Variants in IRX2 observed in about 807,000 individuals in gnomAD.
IRX2 encodes the protein iroquois-class homeodomain protein IRX-2.
A neutral mutation model predicts 42.9 loss-of-function variants in IRX2; 26 were observed. The observed-to-expected ratio is 0.61, with a 90% CI of 0.44 to 0.84. IRX2 has a LOEUF of 0.84. Ranked by LOEUF, IRX2 falls within the 40% of genes least tolerant of loss-of-function variation. IRX2 has a pLI of 0.00. For missense variants in IRX2, 782 were observed against 713.9 expected (o/e 1.10, Z -1.09); for synonymous variants, 424 against 353.9 (o/e 1.20, Z -2.22).
chr5:2,744,733 GAA>G (rs1421735589), downstream of IRX2, among the ~76,000 whole-genome samples: 7 of 152,158 alleles, frequency 4.6e-5, no homozygotes, highest in Non-Finnish European at 1.0e-4. Flanking sequence ...AGAGAAGACA[GAA>G]AAACAGTTCT....
chr5:2,739,328 C>CGGT, the IRX2 span, among the ~76,000 whole-genome samples: 1 of 152,164 alleles, frequency 6.6e-6, no homozygotes, highest in East Asian at 1.9e-4. Flanking sequence ...CTGGGGGCGG[C>CGGT]GGTGCCGGGG....
the IRX2 span, among the ~76,000 whole-genome samples, chr5:2,740,191 G>T: frequency 0.37 from 55,630 of 149,272 alleles, 10,398 homozygotes; most frequent in South Asian, 0.44. Flanking sequence ...GCGGGGGCGG[G>T]GGTCCTGCCC....
Position 2,747,359 on chromosome 5 carries a change from T to C in IRX2, c.*205A>G, listed in dbSNP as rs1737709601. 1 of 482,328 alleles carries C rather than the reference T, an allele frequency of 2.1e-6. No individual in the cohort carries two copies. The highest frequency in any genetic ancestry group is 3.2e-5 in the Admixed American group (1 of 30,986). 29.9% of individuals were successfully genotyped at this position (482,328 alleles called of 1,614,324 possible). ...CCCTAGGTAAAGGAGTGATAGAACT[T>C]GTGCCAAAAAGAGGGAATCTATAAA... On this transcript the variant is annotated 3_prime_UTR_variant, in exon 4 of 4. Transcript: ENST00000302057.
chr5:2,749,008 C>G lies in IRX2; in HGVS notation c.700G>C (p.Ala234Pro), dbSNP rs759434293. ...VDSLTDHSCS[A>P]ESDGEKLPCR... ...GGAAGCTTCTCCCCGTCCGACTCGGCCGAGCACGAGTGATCCGTGAGCGAG... is the reference window on the plus strand; with the variant it reads ...GGAAGCTTCTCCCCGTCCGACTCGGGCGAGCACGAGTGATCCGTGAGCGAG... The change falls in exon 3 of 4, where the codon GCC becomes CCC. Residue 234 changes from alanine to proline, a missense_variant. Ala to Pro is a conservative substitution (Grantham distance 27). Transcript: ENST00000302057. 6.3e-7 allele frequency: 1 copy of G among 1,597,274 alleles called. No individual in the cohort carries two copies. The highest frequency in any genetic ancestry group is 8.5e-7 in the Non-Finnish European group (1 of 1,179,354).
At position 2,747,592 on chromosome 5, in the gene IRX2, A is replaced by C. The variant is rs544675899; in HGVS notation, c.1388T>G (p.Val463Gly). 6.2e-7 allele frequency: 1 copy of C among 1,613,922 alleles called. No individual in the cohort carries two copies. The highest frequency in any genetic ancestry group is 1.7e-5 in the Admixed American group (1 of 60,004). The change falls in exon 4 of 4, where the codon GTT becomes GGT. Residue 463 changes from valine to glycine, a missense_variant. Physicochemically the swap from Val to Gly is moderately radical, Grantham distance 109. Transcript: ENST00000302057. The part of the protein sequence containing the change: ...KKDASEGCTV[V>G]GGGVQPYL ...TAGGTAGGGCTGGACGCCCCCGCCA[A>C]CCACGGTGCAGCCCTCGCTGGCATC... is the stretch of plus-strand genomic sequence containing the variant.
chr5:2,745,914 G>A (rs2111439849), downstream of IRX2: 1 of 151,790 alleles, frequency 6.6e-6, no homozygotes, highest in South Asian at 2.1e-4. Context: ...GCACACTCAG[G>A]GCACAAAAAT....
chr5:2,748,374 G>T lies in IRX2; in HGVS notation c.1334C>A (p.Ser445Tyr). ...CTTGGGCTCGTAGCCGCCGCCCGGG[G>T]ACCGGTAGTGGGACTCGAGCGGGTG... ...GAHPLESHYRSPGGGYEPKKD... is the reference protein window; with the variant it reads ...GAHPLESHYRYPGGGYEPKKD... Residue 445 changes from serine to tyrosine, a missense_variant, in exon 3 of 4, where the codon TCC becomes TAC. Physicochemically the swap from Ser to Tyr is moderately radical, Grantham distance 144 (BLOSUM62 -2). Coordinates refer to ENST00000302057, the MANE Select transcript of IRX2 (RefSeq NM_033267.5). 1.4e-6 allele frequency: 2 copies of T among 1,464,004 alleles called. No homozygotes were observed. The highest frequency in any genetic ancestry group is 1.8e-6 in the Non-Finnish European group (2 of 1,115,082). 90.7% of individuals were successfully genotyped at this position (1,464,004 alleles called of 1,614,324 possible).
At chr5:2,750,164 A>G (rs538545508) in intron 1 of IRX2, among the ~76,000 whole-genome samples, 30 of 150,056 alleles carry the variant, frequency 2.0e-4, no homozygotes, top group Non-Finnish European at 2.8e-4. Flanking sequence ...GCCTCCCCCT[A>G]CTCCCTCTTC....
chr5:2,740,049 G>A, the IRX2 span, among the ~76,000 whole-genome samples: 2 of 152,144 alleles, frequency 1.3e-5, no homozygotes, highest in Non-Finnish European at 2.9e-5. Flanking sequence ...CAGAAGCCTG[G>A]CTGCATTCCC....
At position 2,751,268 on chromosome 5, in the gene IRX2, G is replaced by A; in HGVS notation, c.146C>T (p.Pro49Leu). The change falls in exon 1 of 4, where the codon CCG becomes CTG. Residue 49 changes from proline to leucine, a missense_variant. Transcript: ENST00000302057. This position sits in a 1 kb window ranked among gnomAD's most constrained non-coding sequence, Gnocchi z 4.0. ...SASGSAFSPY[P>L]GSAAFTAQAA... is the part of the protein sequence containing the mutation. ...CTGCGCCGTGAAGGCCGCCGAGCCCGGGTAGGGGCTGAACGCCGAGCCCGA... is the reference window on the plus strand; with the variant it reads ...CTGCGCCGTGAAGGCCGCCGAGCCCAGGTAGGGGCTGAACGCCGAGCCCGA... The A allele has an allele frequency of 4.2e-6, 6 of 1,419,208 alleles. No individual in the cohort carries two copies. The highest frequency in any genetic ancestry group is 5.5e-6 in the Non-Finnish European group (6 of 1,086,190). The allele number at this position is 1,419,208 out of a possible 1,614,324, so 87.9% of individuals were successfully genotyped here.
chr5:2,744,558 C>A (rs1204060592), downstream of IRX2, among the ~76,000 whole-genome samples: 1 of 152,048 alleles, frequency 6.6e-6, no homozygotes, highest in Non-Finnish European at 1.5e-5. Context: ...TTTCTAAAAC[C>A]AAAACAAGCA....
chr5:2,747,568 AGGTAGGGCT>A lies in IRX2; in HGVS notation c.1403_1411del (p.Gln468_Tyr470del). 1 of 1,613,954 alleles carries A rather than the reference AGGTAGGGCT, an allele frequency of 6.2e-7. No individual in the cohort carries two copies. The highest frequency in any genetic ancestry group is 8.5e-7 in the Non-Finnish European group (1 of 1,179,840). On this transcript the variant is annotated inframe_deletion, in exon 4 of 4. Transcript: ENST00000302057. ...GCATTGCTGTGCTCGGCCCTTCTAT[AGGTAGGGCT>A]GGACGCCCCCGCCAACCACGGTGCA...
chr5:2,749,026 T>C lies in IRX2; in HGVS notation c.682A>G (p.Thr228Ala), dbSNP rs1389565321. The change falls in exon 3 of 4, where the codon ACG (threonine) becomes GCG (alanine). Residue 228 changes from threonine (T) to alanine (A), a missense_variant. By Grantham distance (58) the Thr-to-Ala change is moderately conservative. Coordinates refer to ENST00000302057, the MANE Select transcript of IRX2 (RefSeq NM_033267.5). ...EGISLHVDSLTDHSCSAESDG... is the reference protein window; with the variant it reads ...EGISLHVDSLADHSCSAESDG... ...GACTCGGCCGAGCACGAGTGATCCG[T>C]GAGCGAGTCCACGTGCAGGCTGATC... 4.4e-6 allele frequency: 7 copies of C among 1,597,122 alleles called. No individual in the cohort carries two copies. The Admixed American group carries it at 1.2e-4, about 27-fold the overall frequency.
the IRX2 span, among the ~76,000 whole-genome samples, chr5:2,739,434 A>G: frequency 1.3e-5 from 2 of 152,204 alleles, no homozygotes; most frequent in African/African-American, 4.8e-5. Context: ...CGCTGCCGCC[A>G]GAGCGGTGGA....
In IRX2 at chr5:2,751,237, G is replaced by T; in HGVS notation, c.177C>A (p.Ala59=). The part of the protein sequence containing the change: ...PGSAAFTAQA[A]TGFGSPLQYS... Reference sequence around the variant, plus strand: ...ACTGCAGCGGGCTCCCGAAGCCGGTGGCCGCCTGCGCCGTGAAGGCCGCCG... The same window carrying T: ...ACTGCAGCGGGCTCCCGAAGCCGGTTGCCGCCTGCGCCGTGAAGGCCGCCG... Residue 59 remains alanine (A), a synonymous_variant, in exon 1 of 4, where the codon GCC becomes GCA. Transcript: ENST00000302057. The surrounding 1 kb of genome is among the most constrained non-coding windows in gnomAD (Gnocchi z 4.0). 3 of 1,376,440 alleles carry T rather than the reference G, an allele frequency of 2.2e-6. No individual in the cohort carries two copies. Among genetic ancestry groups the T allele is most frequent in the Non-Finnish European group, 2.8e-6 (3 of 1,064,574 alleles). 85.3% of individuals were successfully genotyped at this position (1,376,440 alleles called of 1,614,324 possible).
the IRX2 span, among the ~76,000 whole-genome samples, chr5:2,738,534 C>G: frequency 6.6e-6 from 1 of 152,070 alleles, no homozygotes; most frequent in Non-Finnish European, 1.5e-5. Context: ...CCGGCCGCCT[C>G]TTTGGTCCCC....
At chr5:2,742,510 G>A (rs1267777502), downstream of IRX2, among the ~76,000 whole-genome samples, 3 of 152,114 alleles carry the variant, frequency 2.0e-5, no homozygotes, top group African/African-American at 4.8e-5. Context: ...TAGCACAGAC[G>A]GTTGTGTATT....
At chr5:2,741,695 G>A (rs1190953271), downstream of IRX2, among the ~76,000 whole-genome samples, 2 of 152,148 alleles carry the variant, frequency 1.3e-5, no homozygotes, top group African/African-American at 4.8e-5. Context: ...ACAAAAATGC[G>A]AGTGCTTGTG....
In IRX2 at chr5:2,748,583, C is replaced by A; in HGVS notation, c.1125G>T (p.Ser375=). Reference sequence around the variant, plus strand: ...AGTAGAGGGGGCGGCCCAGCAGCGGCGAGGCAGGGTAGGGCGAGCCTCCTG... The same window carrying A: ...AGTAGAGGGGGCGGCCCAGCAGCGGAGAGGCAGGGTAGGGCGAGCCTCCTG... ...APPGGSPYPA[S]PLLGRPLYYT... is the part of the protein sequence containing the mutation. Residue 375 remains serine (S), a synonymous_variant, in exon 3 of 4, where the codon TCG becomes TCT. Transcript: ENST00000302057. 4 of 1,558,826 alleles carry A rather than the reference C, an allele frequency of 2.6e-6. No individual in the cohort carries two copies. Among genetic ancestry groups the A allele is most frequent in the Non-Finnish European group, 3.5e-6 (4 of 1,155,544 alleles).
Sources: gnomAD v4.1 joint callset for allele counts (sites outside exome capture counted in the v4.1 genomes callset) on GRCh38, gnomAD v4.1.1 for gene constraint, Gnocchi (gnomAD v3.1) non-coding constraint, MANE v1.5 for transcripts, NCBI Gene and HGNC (gene_info 2026-07-23, HGNC 2026-07-21) for gene names.